ERBB4: variants seen among roughly 807,000 people sequenced by gnomAD.
ERBB4 encodes receptor tyrosine-protein kinase erbB-4.
A neutral mutation model predicts 158.0 loss-of-function variants in ERBB4; 42 were observed. The ratio of observed to expected loss-of-function variants is 0.27; its 90% CI spans 0.21 to 0.34. The LOEUF (loss-of-function observed/expected upper bound fraction) is 0.34. ERBB4 is among the 10% of genes least tolerant of loss of function. The probability of loss-of-function intolerance (pLI) is 1.00; values close to 1 mark genes in which losing one functional copy is unlikely to be tolerated. For missense variants in ERBB4, 1,333 were observed against 1,624.1 expected (o/e 0.82, Z 3.08); for synonymous variants, 583 against 558.7 (o/e 1.04, Z -0.61).
chr2:212,382,448 A>G (rs79593419), intron 1 of ERBB4, among the ~76,000 whole-genome samples: 6,462 of 150,978 alleles, frequency 0.043, 187 homozygotes, highest in South Asian at 0.065. Flanking sequence ...GACAATATGT[A>G]GTATACAACT....
At chr2:212,005,184 G>T (rs67361326) in intron 2 of ERBB4, among the ~76,000 whole-genome samples, 53,097 of 151,874 alleles carry the variant, frequency 0.35, 9,518 homozygotes, top group East Asian at 0.62. Context: ...TTACGAAGCA[G>T]GAAATCTTTT....
intron 25 of ERBB4, among the ~76,000 whole-genome samples, chr2:211,400,847 GA>G (rs547187688): frequency 6.3e-4 from 96 of 152,096 alleles, no homozygotes; most frequent in African/African-American, 2.2e-3. Context: ...ACCCTGATGT[GA>G]TTATTAAACA....
intron 3 of ERBB4, 73 bp from the exon 4 acceptor site, chr2:211,788,232 T>C (rs1204236622): frequency 8.9e-7 from 1 of 1,125,838 alleles, no homozygotes; most frequent in Non-Finnish European, 1.3e-6. Flanking sequence ...ACAAAAGTGA[T>C]TTGCTCTTAA....
intron 5 of ERBB4, among the ~76,000 whole-genome samples, chr2:211,744,250 AC>A (rs1432402171): frequency 6.6e-6 from 1 of 152,192 alleles, no homozygotes; most frequent in Non-Finnish European, 1.5e-5. Context: ...TAACTGTGGC[AC>A]CCAAAAAAGT....
intron 1 of ERBB4, among the ~76,000 whole-genome samples, chr2:212,485,300 G>A (rs1689913989): frequency 6.6e-6 from 1 of 152,154 alleles, no homozygotes; most frequent in African/African-American, 2.4e-5. Flanking sequence ...GGTAGAGTCA[G>A]TCCCTGCTCT....
At chr2:211,936,400 G>A (rs1352498259) in intron 3 of ERBB4, among the ~76,000 whole-genome samples, 1 of 151,352 alleles carries the variant, frequency 6.6e-6, no homozygotes, top group African/African-American at 2.4e-5. Context: ...GCTCTTAGAA[G>A]GAAGAAAAAA....
At chr2:212,099,739 T>G (rs898361923) in intron 2 of ERBB4, among the ~76,000 whole-genome samples, 28 of 126,828 alleles carry the variant, frequency 2.2e-4, no homozygotes, top group Non-Finnish European at 4.0e-4. Flanking sequence ...TTTTACAGTT[T>G]TTTTTTTTTT....
intron 2 of ERBB4, among the ~76,000 whole-genome samples, chr2:212,097,575 G>A (rs1046836848): frequency 6.6e-6 from 1 of 152,082 alleles, no homozygotes; most frequent in African/African-American, 2.4e-5. Flanking sequence ...GAAAGGAGAT[G>A]CATTGTGATA....
intron 20 of ERBB4, among the ~76,000 whole-genome samples, chr2:211,441,031 A>G (rs2063962436): frequency 6.6e-6 from 1 of 152,138 alleles, no homozygotes; most frequent in African/African-American, 2.4e-5. Context: ...AAACTTCCTG[A>G]TCTGCCCCAT....
chr2:211,829,109 T>G (rs951819973), intron 3 of ERBB4, among the ~76,000 whole-genome samples: 2 of 152,170 alleles, frequency 1.3e-5, no homozygotes, highest in African/African-American at 4.8e-5. Flanking sequence ...ATTTTAAATG[T>G]GTACTAATTA....
At chr2:211,576,519 T>G (rs184221636) in intron 19 of ERBB4, among the ~76,000 whole-genome samples, 50 of 152,316 alleles carry the variant, frequency 3.3e-4, no homozygotes, top group Admixed American at 5.9e-4. Flanking sequence ...TGTTGTATGT[T>G]ACCTTATTAA....
intron 20 of ERBB4, among the ~76,000 whole-genome samples, chr2:211,519,524 C>T (rs1379048586): frequency 6.6e-6 from 1 of 152,042 alleles, no homozygotes; most frequent in Non-Finnish European, 1.5e-5. Flanking sequence ...TGGATAATAG[C>T]TTAAATTTTC....
intron 20 of ERBB4, among the ~76,000 whole-genome samples, chr2:211,495,172 T>C (rs1244374407): frequency 6.6e-6 from 1 of 152,054 alleles, no homozygotes; most frequent in Non-Finnish European, 1.5e-5. Context: ...AGAAGAGCTA[T>C]GAAATCTGTT....
At chr2:212,183,939 T>C (rs1319015398) in intron 1 of ERBB4, among the ~76,000 whole-genome samples, 1 of 152,108 alleles carries the variant, frequency 6.6e-6, no homozygotes, top group East Asian at 1.9e-4. Flanking sequence ...TTTAAGAACC[T>C]GACACTTTTG....
chr2:212,012,757 A>AT (rs2076419847), intron 2 of ERBB4, among the ~76,000 whole-genome samples: 1 of 151,400 alleles, frequency 6.6e-6, no homozygotes, highest in Non-Finnish European at 1.5e-5. Flanking sequence ...ATTTTATTTC[A>AT]TTTTTTAAGA....
At chr2:212,462,053 C>T (rs1688602950) in intron 1 of ERBB4, among the ~76,000 whole-genome samples, 2 of 152,076 alleles carry the variant, frequency 1.3e-5, no homozygotes, top group Non-Finnish European at 2.9e-5. Context: ...TCTTTATCAG[C>T]AGTGTGAAAA....
chr2:211,753,385 A>T (rs1171524074), intron 4 of ERBB4, among the ~76,000 whole-genome samples: 2 of 152,174 alleles, frequency 1.3e-5, no homozygotes, highest in East Asian at 3.8e-4. Flanking sequence ...ATTAAGCATG[A>T]TGTTAAGCAA....
At chr2:212,462,844 A>G (rs1468562973) in intron 1 of ERBB4, among the ~76,000 whole-genome samples, 8 of 152,168 alleles carry the variant, frequency 5.3e-5, no homozygotes, top group African/African-American at 1.9e-4. Context: ...CAAGATGTGG[A>G]ATCAAACTAA....
intron 1 of ERBB4, among the ~76,000 whole-genome samples, chr2:212,328,970 C>T (rs1330453447): frequency 6.6e-6 from 1 of 151,906 alleles, no homozygotes; most frequent in African/African-American, 2.4e-5. Context: ...ATAACTTTTG[C>T]CCCAAATAAG....
Sources: gnomAD v4.1 joint callset for allele counts (sites outside exome capture counted in the v4.1 genomes callset) on GRCh38, gnomAD v4.1.1 for gene constraint, MANE v1.5 for transcripts, NCBI Gene and HGNC (gene_info 2026-07-23, HGNC 2026-07-21) for gene names.